The following POU2F1 variants were observed in gnomAD, a reference collection of about 807,000 sequenced individuals.
POU2F1 encodes the protein POU domain, class 2, transcription factor 1.
In POU2F1, 16 loss-of-function variants were observed where a neutral mutation model predicts 84.9. That is an observed-to-expected ratio of 0.19 (90% CI 0.13 to 0.29). The LOEUF (loss-of-function observed/expected upper bound fraction) is 0.29, where lower values mean the gene tolerates loss of function less well. Among genes scored for constraint, POU2F1 ranks in the 10% least tolerant of loss-of-function variants. POU2F1 has a pLI of 1.00. For synonymous variants in POU2F1, 368 were observed against 368.3 expected (o/e 1.00, Z 0.01); for missense variants, 738 against 942.6 (o/e 0.78, Z 2.84).
chr1:167,387,126 C>A (rs1044769932), intron 8 of POU2F1: 7 of 455,736 alleles, frequency 1.5e-5, no homozygotes, highest in Non-Finnish European at 3.1e-5. Flanking sequence ...GGTGGCAGGG[C>A]CGTTGTGGCT....
intron 1 of POU2F1, among the ~76,000 whole-genome samples, chr1:167,290,595 C>T (rs1323588836): frequency 1.3e-5 from 2 of 152,068 alleles, no homozygotes; most frequent in East Asian, 3.9e-4. Flanking sequence ...TCTTTCTGAC[C>T]CCATGGAGCA....
intron 1 of POU2F1, among the ~76,000 whole-genome samples, chr1:167,291,624 T>A (rs77889119): frequency 0.026 from 4,012 of 152,240 alleles, 173 homozygotes; most frequent in African/African-American, 0.089. Flanking sequence ...TAAAGGAGAT[T>A]CTAGGGGGTA....
chr1:167,317,731 A>T (rs1656014174), intron 1 of POU2F1, among the ~76,000 whole-genome samples: 1 of 152,170 alleles, frequency 6.6e-6, no homozygotes, highest in South Asian at 2.1e-4. Context: ...GTAAACCAAC[A>T]ACCTTCAGCA....
intron 2 of POU2F1, among the ~76,000 whole-genome samples, chr1:167,344,776 G>T (rs556550594): frequency 5.9e-5 from 9 of 152,242 alleles, no homozygotes; most frequent in African/African-American, 2.2e-4. Context: ...AATGGGAGGG[G>T]ACGTTAGAAG....
intron 1 of POU2F1, among the ~76,000 whole-genome samples, chr1:167,323,982 C>A (rs147988653): frequency 1.3e-5 from 2 of 151,998 alleles, no homozygotes; most frequent in Non-Finnish European, 2.9e-5. Context: ...CATTAGTCAC[C>A]GCACCCAGCC....
intron 1 of POU2F1, among the ~76,000 whole-genome samples, chr1:167,252,302 T>TA (rs1219892542): frequency 2.6e-5 from 4 of 152,206 alleles, no homozygotes; most frequent in Non-Finnish European, 4.4e-5. Flanking sequence ...ATGAAGGCCA[T>TA]GCTATTTGCT....
intron 15 of POU2F1, chr1:167,414,639 A>G: frequency 1.0e-6 from 1 of 985,394 alleles, no homozygotes; most frequent in African/African-American, 1.7e-5. Flanking sequence ...GGGAAGCAAC[A>G]GCATCATAGA....
intron 1 of POU2F1, among the ~76,000 whole-genome samples, chr1:167,295,073 G>T (rs1271510325): frequency 1.3e-5 from 2 of 151,166 alleles, no homozygotes; most frequent in Non-Finnish European, 2.9e-5. Flanking sequence ...AGTGAGCCGA[G>T]ATCACGCCAC....
intron 1 of POU2F1, among the ~76,000 whole-genome samples, chr1:167,295,722 GATTTCTCTTA>G (rs1327768105): frequency 6.6e-6 from 1 of 152,190 alleles, no homozygotes; most frequent in African/African-American, 2.4e-5. Flanking sequence ...TGTAATAAAA[GATTTCTCTTA>G]ATGTTCTACT....
chr1:167,411,871 C>T, intron 13 of POU2F1, 88 bp from the exon 14 acceptor site: 2 of 1,209,330 alleles, frequency 1.7e-6, no homozygotes, highest in Non-Finnish European at 2.3e-6. Flanking sequence ...TTAATTATTC[C>T]ATTGATTATA....
chr1:167,332,515 A>G lies in POU2F1; in HGVS notation c.107A>G (p.Glu36Gly), dbSNP rs767876892. ...NPSETSKPSM[E>G]SGDGNTGTQT... ...TCAGAAACCAGTAAACCATCTATGG[A>G]GAGTGGAGATGGCAACACAGGTAAG... The change falls in exon 2 of 16, where the codon GAG (glutamate) becomes GGG (glycine). Residue 36 changes from glutamate (E) to glycine (G), a missense_variant. Around this residue, in one of 4 missense-constraint regions of POU2F1, gnomAD observed 161 missense variants for 147.0 expected, o/e 1.10. Transcript: ENST00000367866. 5 of 1,608,106 alleles carry G rather than the reference A, an allele frequency of 3.1e-6. No individual in the cohort carries two copies. The African/African-American group carries it at 6.7e-5, about 22-fold the overall frequency.
chr1:167,247,811 A>G (rs970960675), intron 1 of POU2F1, among the ~76,000 whole-genome samples: 1 of 152,256 alleles, frequency 6.6e-6, no homozygotes, highest in Non-Finnish European at 1.5e-5. Context: ...ATATTAAACA[A>G]AAAGTACAAG....
At chr1:167,221,233 C>G (rs1445716814) in intron 1 of POU2F1, among the ~76,000 whole-genome samples, 1 of 151,402 alleles carries the variant, frequency 6.6e-6, no homozygotes, top group Non-Finnish European at 1.5e-5. Context: ...CGCTCGCCGT[C>G]TGCCCGTCGG....
In POU2F1 at chr1:167,282,261, A is replaced by T. The variant is rs554758930; in HGVS notation, c.62-50209A>T. ...CAGGTTCACGCCATTCTCCTGCCTC[A>T]GCCTCCCGAATAGCTGGGATTACAG... is the stretch of plus-strand genomic sequence containing the variant. On this transcript the variant is annotated intron_variant, in intron 1 of 15. Transcript: ENST00000367866. Among the ~76,000 whole-genome samples, 791 of 146,292 alleles carry T rather than the reference A, an allele frequency of 5.4e-3. 8 individuals are homozygous for T. The highest frequency in any genetic ancestry group is 0.018 in the African/African-American group (731 of 40,722).
chr1:167,385,151 T>C (rs1376742256), intron 8 of POU2F1, among the ~76,000 whole-genome samples: 1 of 151,986 alleles, frequency 6.6e-6, no homozygotes, highest in African/African-American at 2.4e-5. Flanking sequence ...AGTTCTATAG[T>C]TGAAAACTAT....
chr1:167,419,426 A>G lies in POU2F1; in HGVS notation c.*3616A>G, dbSNP rs1052793286. The stretch of plus-strand genomic sequence containing the variant: ...TATTCTAAATGCATTTATAGTGAAT[A>G]CTATGTATGCCCATGGTAATGGGTC... On this transcript the variant is annotated 3_prime_UTR_variant, in exon 16 of 16. Transcript: ENST00000367866. 6 of 152,218 alleles carry G rather than the reference A, an allele frequency of 3.9e-5. No individual in the cohort carries two copies. Among genetic ancestry groups the G allele is most frequent in the Admixed American group, 3.9e-4 (6 of 15,288 alleles). 9.4% of individuals were successfully genotyped at this position (152,218 alleles called of 1,614,324 possible). A position where few individuals can be genotyped will look rare whatever the true frequency, so the allele number is the denominator to read the frequency against.
At chr1:167,273,610 C>A (rs1247199841) in intron 1 of POU2F1, among the ~76,000 whole-genome samples, 1 of 152,256 alleles carries the variant, frequency 6.6e-6, no homozygotes, top group Non-Finnish European at 1.5e-5. Context: ...CGTATCTGGG[C>A]CCCTTTTAGC....
At chr1:167,240,865 G>A (rs1018263992) in intron 1 of POU2F1, among the ~76,000 whole-genome samples, 13 of 152,122 alleles carry the variant, frequency 8.5e-5, no homozygotes, top group African/African-American at 1.4e-4. Context: ...TGAAAAGGCC[G>A]GGCGCGGTGG....
intron 1 of POU2F1, among the ~76,000 whole-genome samples, chr1:167,278,734 G>A (rs1347377174): frequency 6.6e-6 from 1 of 151,796 alleles, no homozygotes; most frequent in Non-Finnish European, 1.5e-5. Flanking sequence ...TTCAGCAAGC[G>A]TTTCAGTGCT....
Sources: allele counts gnomAD v4.1 joint callset (sites outside exome capture counted in the v4.1 genomes callset), GRCh38; gene constraint gnomAD v4.1.1; regional missense constraint gnomAD v4.1.1; transcripts MANE v1.5; gene names NCBI Gene and HGNC (gene_info 2026-07-23, HGNC 2026-07-21).